Variants in ASIC2 observed in about 807,000 individuals in gnomAD.
ASIC2 encodes acid-sensing ion channel 2.
A neutral mutation model predicts 57.3 loss-of-function variants in ASIC2; 25 were observed. The observed-to-expected ratio is 0.44, with a 90% CI of 0.32 to 0.61. ASIC2 has a LOEUF of 0.61. ASIC2 is among the 20% of genes least tolerant of loss of function. The pLI, the probability that ASIC2 is intolerant of heterozygous loss-of-function variation, is 0.06. For missense variants in ASIC2, 641 were observed against 738.1 expected, an observed-to-expected ratio of 0.87 and a Z score of 1.52; for synonymous variants, 319 against 307.5, an observed-to-expected ratio of 1.04 and a Z score of -0.39.
intron 1 of ASIC2, among the ~76,000 whole-genome samples, chr17:33,688,547 C>T (rs1489961536): frequency 1.3e-5 from 2 of 152,146 alleles, no homozygotes; most frequent in Non-Finnish European, 2.9e-5. Context: ...CTGTCTCAGC[C>T]GTGCTGCATG....
chr17:33,842,993 T>G (rs1305882311), intron 1 of ASIC2, among the ~76,000 whole-genome samples: 1 of 152,208 alleles, frequency 6.6e-6, no homozygotes, highest in Non-Finnish European at 1.5e-5. Context: ...GCTATGGATT[T>G]GGCTGCCTTG....
At chr17:33,172,186 G>A (rs1345992014) in intron 1 of ASIC2, among the ~76,000 whole-genome samples, 1 of 152,214 alleles carries the variant, frequency 6.6e-6, no homozygotes, top group Non-Finnish European at 1.5e-5. Context: ...ACTAGTAGTG[G>A]ATTGGATGAG....
At chr17:33,054,282 C>T (rs2091989233) in intron 3 of ASIC2, among the ~76,000 whole-genome samples, 1 of 152,122 alleles carries the variant, frequency 6.6e-6, no homozygotes, top group Non-Finnish European at 1.5e-5. Context: ...TACTCTTTCC[C>T]AGGGCTGGCC....
intron 1 of ASIC2, among the ~76,000 whole-genome samples, chr17:33,712,108 T>G (rs1909055082): frequency 6.6e-6 from 1 of 152,200 alleles, no homozygotes; most frequent in South Asian, 2.1e-4. Flanking sequence ...GAGAAGTTAC[T>G]GAGTCTAAAA....
At chr17:33,441,645 C>T (rs2347151) in intron 1 of ASIC2, among the ~76,000 whole-genome samples, 1,681 of 152,242 alleles carry the variant, frequency 0.011, 35 homozygotes, top group African/African-American at 0.038. Flanking sequence ...TCATAAGGAC[C>T]TCATTTCAGT....
rs1483698512 is a variant in ASIC2, at chr17:33,372,467, C to T, written c.556-260400G>A. Reference sequence around the variant, plus strand: ...CAGCAGGTAAGAAAGGGTTTAGGGGCATGAAGCCAACTGAATGGGTGAGGG... The same window carrying T: ...CAGCAGGTAAGAAAGGGTTTAGGGGTATGAAGCCAACTGAATGGGTGAGGG... On this transcript the variant is annotated intron_variant, in intron 1 of 9. Transcript: ENST00000359872. Among the ~76,000 whole-genome samples, 3 of 152,144 alleles carry T rather than the reference C, an allele frequency of 2.0e-5. No individual in the cohort carries two copies. The East Asian group carries it at 5.8e-4, about 29-fold the overall frequency.
intron 1 of ASIC2, among the ~76,000 whole-genome samples, chr17:33,554,001 A>G (rs1243206061): frequency 3.3e-5 from 5 of 152,220 alleles, no homozygotes; most frequent in Non-Finnish European, 5.9e-5. Context: ...CAATTCAAGC[A>G]TCCAGAAACA....
At chr17:33,514,898 G>C (rs1198103912) in intron 1 of ASIC2, among the ~76,000 whole-genome samples, 2 of 152,126 alleles carry the variant, frequency 1.3e-5, no homozygotes, top group African/African-American at 4.8e-5. Context: ...GAGTCATCCC[G>C]TGTTATCCCC....
At chr17:33,619,294 CCAATT>C (rs1398139922) in intron 1 of ASIC2, among the ~76,000 whole-genome samples, 1 of 152,098 alleles carries the variant, frequency 6.6e-6, no homozygotes, top group East Asian at 1.9e-4. Context: ...AATTTCAACA[CCAATT>C]CAATTTCAAC....
chr17:33,062,128 A>G (rs1567730897), intron 3 of ASIC2, among the ~76,000 whole-genome samples: 1 of 151,944 alleles, frequency 6.6e-6, no homozygotes, highest in Non-Finnish European at 1.5e-5. Context: ...GGATTCACTG[A>G]TTTTTTGAAG....
At chr17:34,073,900 C>G (rs1171407683) in intron 1 of ASIC2, among the ~76,000 whole-genome samples, 1 of 152,168 alleles carries the variant, frequency 6.6e-6, no homozygotes, top group African/African-American at 2.4e-5. Context: ...TGAAGTCAGC[C>G]AGCTCCCTGG....
At chr17:33,055,361 G>A (rs1295089731) in intron 3 of ASIC2, among the ~76,000 whole-genome samples, 2 of 152,070 alleles carry the variant, frequency 1.3e-5, no homozygotes, top group Non-Finnish European at 2.9e-5. Flanking sequence ...CCTGCTCCAG[G>A]ACTCCTCGTT....
intron 1 of ASIC2, among the ~76,000 whole-genome samples, chr17:33,974,982 T>C (rs1360111891): frequency 6.6e-6 from 1 of 152,214 alleles, no homozygotes; most frequent in Admixed American, 6.5e-5. Flanking sequence ...TTATGTGGTG[T>C]GTTGGCCATC....
intron 1 of ASIC2, among the ~76,000 whole-genome samples, chr17:33,997,020 GTTCCT>G (rs983532184): frequency 1.3e-5 from 2 of 152,018 alleles, no homozygotes; most frequent in African/African-American, 4.8e-5. Flanking sequence ...TGTGTCTTCA[GTTCCT>G]TTATCAATGT....
chr17:33,641,849 T>C (rs1343126968), intron 1 of ASIC2, among the ~76,000 whole-genome samples: 1 of 152,106 alleles, frequency 6.6e-6, no homozygotes, highest in Non-Finnish European at 1.5e-5. Flanking sequence ...ATAGAATAAG[T>C]CTCAGTGCCT....
At chr17:33,598,497 G>A (rs769620295) in intron 1 of ASIC2, among the ~76,000 whole-genome samples, 21 of 152,094 alleles carry the variant, frequency 1.4e-4, no homozygotes, top group Non-Finnish European at 2.8e-4. Flanking sequence ...ATTGAAGGGT[G>A]GTGTTTCTTC....
intron 1 of ASIC2, among the ~76,000 whole-genome samples, chr17:34,025,541 T>G (rs1907344619): frequency 6.6e-6 from 1 of 152,234 alleles, no homozygotes; most frequent in African/African-American, 2.4e-5. Context: ...CTGGTTTAGA[T>G]TACCTCAAAG....
chr17:33,340,435 CT>C (rs1907678961), intron 1 of ASIC2, among the ~76,000 whole-genome samples: 1 of 152,016 alleles, frequency 6.6e-6, no homozygotes, highest in African/African-American at 2.4e-5. Flanking sequence ...ATACTGCTCT[CT>C]TTTTTTTCTA....
chr17:34,039,917 A>AG, intron 1 of ASIC2: 1 of 1,533,564 alleles, frequency 6.5e-7, no homozygotes, highest in South Asian at 1.1e-5. Context: ...TCCTCCCTGG[A>AG]GGGACCCCGA....
Sources: allele counts gnomAD v4.1 joint callset (sites outside exome capture counted in the v4.1 genomes callset), GRCh38; gene constraint gnomAD v4.1.1; transcripts MANE v1.5; gene names NCBI Gene and HGNC (gene_info 2026-07-23, HGNC 2026-07-21).